The following RASGRF2 variants were observed in gnomAD, a reference collection of about 807,000 sequenced individuals.
The protein encoded by RASGRF2 is ras-specific guanine nucleotide-releasing factor 2.
Under a neutral mutation model 151.0 loss-of-function variants are expected in RASGRF2, and 76 were observed. The observed-to-expected ratio is 0.50, with a 90% CI of 0.42 to 0.61. The LOEUF (loss-of-function observed/expected upper bound fraction) is 0.61. Among genes scored for constraint, RASGRF2 ranks in the 20% least tolerant of loss-of-function variants. The pLI, the probability that RASGRF2 is intolerant of heterozygous loss-of-function variation, is 0.00. For missense variants in RASGRF2, 1,148 were observed against 1,564.6 expected, an observed-to-expected ratio of 0.73 and a Z score of 4.49; for synonymous variants, 504 against 566.5, an observed-to-expected ratio of 0.89 and a Z score of 1.57.
intron 18 of RASGRF2, among the ~76,000 whole-genome samples, chr5:81,198,729 G>A (rs535803989): frequency 4.6e-5 from 7 of 152,290 alleles, no homozygotes; most frequent in East Asian, 3.9e-4. Context: ...GTGAGCCACC[G>A]CACCTGGCCC....
intron 18 of RASGRF2, among the ~76,000 whole-genome samples, chr5:81,184,829 G>A (rs550846391): frequency 6.6e-6 from 1 of 152,318 alleles, no homozygotes; most frequent in South Asian, 2.1e-4. Context: ...CCAGACATTG[G>A]GGTAGGTGTG....
At chr5:80,977,143 C>T (rs1748144796) in intron 1 of RASGRF2, among the ~76,000 whole-genome samples, 1 of 152,186 alleles carries the variant, frequency 6.6e-6, no homozygotes, top group Non-Finnish European at 1.5e-5. Flanking sequence ...AATTTATTTT[C>T]AGCATGGTGG....
chr5:81,154,271 T>A (rs1754206666), intron 17 of RASGRF2, among the ~76,000 whole-genome samples: 1 of 152,214 alleles, frequency 6.6e-6, no homozygotes, highest in Non-Finnish European at 1.5e-5. Flanking sequence ...GGGGTTTTTT[T>A]AGACAGAGTC....
chr5:81,195,163 C>G (rs889916191), intron 18 of RASGRF2, among the ~76,000 whole-genome samples: 5 of 152,218 alleles, frequency 3.3e-5, no homozygotes, highest in Non-Finnish European at 7.3e-5. Context: ...CAGGCGACAT[C>G]CCTCCTCCAG....
intron 17 of RASGRF2, among the ~76,000 whole-genome samples, chr5:81,145,611 G>A (rs942814231): frequency 2.0e-5 from 3 of 152,158 alleles, no homozygotes; most frequent in African/African-American, 7.2e-5. Flanking sequence ...TTGCTGTGGG[G>A]AGAACCAGCT....
Position 81,073,270 on chromosome 5 carries a change from T to C in RASGRF2, c.705T>C (p.Ser235=). The change falls in exon 5 of 27, where the codon TCT becomes TCC. Residue 235 remains serine, a synonymous_variant. Coordinates refer to ENST00000265080, the MANE Select transcript of RASGRF2 (RefSeq NM_006909.3). ...WKTIVQDYIC[S]PHAESMRKRN... is the part of the protein sequence containing the mutation. Reference sequence around the variant, plus strand: ...CCATCGTGCAGGATTACATTTGTTCTCCTCATGCTGAAAGTATGAGGAAGA... The same window carrying C: ...CCATCGTGCAGGATTACATTTGTTCCCCTCATGCTGAAAGTATGAGGAAGA... The C allele has an allele frequency of 1.2e-6, 2 of 1,614,006 alleles. No homozygotes were observed. Among genetic ancestry groups the C allele is most frequent in the South Asian group, 1.1e-5 (1 of 91,078 alleles).
Position 81,207,278 on chromosome 5 carries a change from C to G in RASGRF2, c.3000C>G (p.Ser1000=), listed in dbSNP as rs780764562. ...TDCMKAECFE[S]LSAMELAEQI... is the part of the protein sequence containing the mutation. ...GCATGAAGGCCGAATGCTTTGAGTC[C>G]TTGTCGGCCATGGAGCTGGCAGAAC... The change falls in exon 21 of 27, where the codon TCC becomes TCG. Residue 1000 remains serine (S), a synonymous_variant. Coordinates refer to ENST00000265080, the MANE Select transcript of RASGRF2 (RefSeq NM_006909.3). 2 of 1,614,152 alleles carry G rather than the reference C, an allele frequency of 1.2e-6. No individual in the cohort carries two copies. Among genetic ancestry groups the G allele is most frequent in the East Asian group, 4.5e-5 (2 of 44,880 alleles).
intron 1 of RASGRF2, among the ~76,000 whole-genome samples, chr5:81,033,863 C>G (rs568308125): frequency 6.6e-6 from 1 of 152,152 alleles, no homozygotes; most frequent in Non-Finnish European, 1.5e-5. Context: ...GAACAGGCAA[C>G]CTACAGAATG....
At chr5:81,149,832 C>G (rs964596088) in intron 17 of RASGRF2, among the ~76,000 whole-genome samples, 36 of 152,254 alleles carry the variant, frequency 2.4e-4, no homozygotes, top group African/African-American at 7.9e-4. Flanking sequence ...GCCCTGCCAT[C>G]TTTAGTGGGC....
intron 1 of RASGRF2, among the ~76,000 whole-genome samples, chr5:80,989,004 G>A (rs1442226718): frequency 6.6e-6 from 1 of 151,156 alleles, no homozygotes. Context: ...TTTAGACAGA[G>A]TCTCGCTCTG....
chr5:81,216,142 G>A (rs1470915555), intron 24 of RASGRF2, among the ~76,000 whole-genome samples, 187 bp downstream of exon 24: 1 of 152,118 alleles, frequency 6.6e-6, no homozygotes, highest in Non-Finnish European at 1.5e-5. Flanking sequence ...TACAGTAATT[G>A]TCTTATGGAT....
intron 1 of RASGRF2, among the ~76,000 whole-genome samples, chr5:80,973,780 T>C (rs1437182754): frequency 6.6e-6 from 1 of 152,196 alleles, no homozygotes; most frequent in African/African-American, 2.4e-5. Flanking sequence ...GTACATTCAA[T>C]GATCAAAGTA....
At chr5:81,160,842 G>T (rs1331350993) in intron 17 of RASGRF2, among the ~76,000 whole-genome samples, 1 of 152,022 alleles carries the variant, frequency 6.6e-6, no homozygotes, top group Non-Finnish European at 1.5e-5. Context: ...CTGCACTCCA[G>T]CCTGGGTGAC....
At chr5:81,220,796 A>G (rs528609727) in intron 26 of RASGRF2, among the ~76,000 whole-genome samples, 96 of 152,312 alleles carry the variant, frequency 6.3e-4, no homozygotes, top group South Asian at 1.7e-3. Context: ...GAAGACCATC[A>G]TTTATTCAGA....
At position 81,112,638 on chromosome 5, in the gene RASGRF2, A is replaced by G. The variant is rs747537064; in HGVS notation, c.1867A>G (p.Thr623Ala). The G allele has an allele frequency of 1.9e-6, 3 of 1,614,058 alleles. No homozygotes were observed. The highest frequency in any genetic ancestry group is 1.3e-5 in the African/African-American group (1 of 74,916). The change falls in exon 14 of 27, where the codon ACT (threonine) becomes GCT (alanine). Residue 623 changes from threonine (T) to alanine (A), a missense_variant. Thr to Ala is a moderately conservative substitution (Grantham distance 58, BLOSUM62 0). Transcript: ENST00000265080. Reference protein sequence around the residue: ...KSDARLHKDDTDICFSKTLNS... With the variant: ...KSDARLHKDDADICFSKTLNS... ...TGATGCCCGTCTTCATAAAGACGAC[A>G]CTGACATTTGCTTCAGTAAAACACT...
intron 1 of RASGRF2, among the ~76,000 whole-genome samples, chr5:80,996,567 C>T (rs1580181836): frequency 1.4e-5 from 1 of 69,866 alleles, no homozygotes; most frequent in African/African-American, 6.1e-5. Flanking sequence ...TCCTCCTCCC[C>T]CTCCTCCTCC....
intron 17 of RASGRF2, among the ~76,000 whole-genome samples, chr5:81,165,568 A>G (rs1754486460): frequency 6.6e-6 from 1 of 152,200 alleles, no homozygotes; most frequent in African/African-American, 2.4e-5. Flanking sequence ...AGGAAAATCC[A>G]TCTTTCAAAG....
chr5:81,179,389 G>A (rs1435159764), intron 17 of RASGRF2, among the ~76,000 whole-genome samples: 2 of 152,186 alleles, frequency 1.3e-5, no homozygotes, highest in East Asian at 3.8e-4. Flanking sequence ...AGGAATGTGG[G>A]AAACCGGTCA....
intron 17 of RASGRF2, among the ~76,000 whole-genome samples, chr5:81,129,029 C>T (rs143086439): frequency 0.021 from 3,168 of 152,212 alleles, 62 homozygotes; most frequent in Middle Eastern, 0.061. Flanking sequence ...ATCCCAACTA[C>T]TTGGGAGGCT....
Sources: allele counts gnomAD v4.1 joint callset (sites outside exome capture counted in the v4.1 genomes callset), GRCh38; gene constraint gnomAD v4.1.1; transcripts MANE v1.5; gene names NCBI Gene and HGNC (gene_info 2026-07-23, HGNC 2026-07-21).